Variants in SATL1 observed in about 807,000 individuals in gnomAD.
SATL1 encodes the protein spermidine/spermine N(1)-acetyltransferase-like protein 1.
SATL1 carries 47 observed loss-of-function variants against 51.8 expected under a neutral mutation model. That is an observed-to-expected ratio of 0.91 (90% CI 0.72 to 1.16). The LOEUF (loss-of-function observed/expected upper bound fraction) is 1.16. SATL1 is among the 50% of genes most tolerant of loss of function. The probability of loss-of-function intolerance (pLI) is 0.00; values close to 1 mark genes in which losing one functional copy is unlikely to be tolerated. For missense variants in SATL1, 520 were observed against 526.4 expected (o/e 0.99, Z 0.12); for synonymous variants, 176 against 182.4 (o/e 0.97, Z 0.28).
intron 2 of SATL1, among the ~76,000 whole-genome samples, chrX:85,146,057 C>G (rs970638221): frequency 1.8e-5 from 2 of 110,103 alleles, no homozygotes; most frequent in African/African-American, 6.6e-5. Context: ...CCACCACGCC[C>G]GGCAATTTTT....
intron 2 of SATL1, among the ~76,000 whole-genome samples, chrX:85,135,952 T>A (rs1266928852): frequency 9.1e-6 from 1 of 109,993 alleles, no homozygotes; most frequent in African/African-American, 3.3e-5. Context: ...TCTAGGTAAA[T>A]TATAGCAATA....
At chrX:85,096,779 AAG>A (rs1357556531) in intron 4 of SATL1, among the ~76,000 whole-genome samples, 1 of 109,477 alleles carries the variant, frequency 9.1e-6, no homozygotes, top group Non-Finnish European at 1.9e-5. Context: ...ACTGTCAACT[AAG>A]AATTTTATAT....
chrX:85,216,952 T>C lies in SATL1; in HGVS notation c.-313+7253A>G, dbSNP rs531209653. Among the ~76,000 whole-genome samples, 6 of 112,057 alleles carry C rather than the reference T, an allele frequency of 5.4e-5. No homozygotes were observed. In the South Asian group the frequency reaches 1.9e-3, roughly 35 times the overall value. ...GAAAAATGGTGACCCTTAAAGGTTA[T>C]AGAAAGCCTGGGTCAGATAATCTTT... On this transcript the variant is annotated intron_variant, in intron 2 of 7. Coordinates refer to ENST00000644105, the MANE Select transcript of SATL1 (RefSeq NM_001367857.2).
chrX:85,102,062 T>A (rs1051740242), intron 4 of SATL1, among the ~76,000 whole-genome samples: 1 of 92,630 alleles, frequency 1.1e-5, no homozygotes, highest in South Asian at 6.2e-4. Context: ...TTTATTTTTT[T>A]AATTTTTAAA....
At chrX:85,179,351 T>A (rs901058158) in intron 2 of SATL1, among the ~76,000 whole-genome samples, 10 of 111,361 alleles carry the variant, frequency 9.0e-5, no homozygotes, top group Non-Finnish European at 1.1e-4. Flanking sequence ...TTATCTAATT[T>A]AAAAAAAATA....
Position 85,208,213 on chromosome X carries a change from C to T in SATL1, c.-313+15992G>A, listed in dbSNP as rs1226575503. Among the ~76,000 whole-genome samples, 4 of 111,311 alleles carry T rather than the reference C, an allele frequency of 3.6e-5. No individual in the cohort carries two copies. In the South Asian group the frequency reaches 1.5e-3, roughly 42 times the overall value. On this transcript the variant is annotated intron_variant, in intron 2 of 7. Transcript: ENST00000644105. ...TGTTGGTTTCCAGCTGCATCTATGTCCCTGCAAAGGACATGAACTCATCCT... is the reference window on the plus strand; with the variant it reads ...TGTTGGTTTCCAGCTGCATCTATGTTCCTGCAAAGGACATGAACTCATCCT...
intron 2 of SATL1, among the ~76,000 whole-genome samples, chrX:85,169,191 C>G (rs1299313976): frequency 1.8e-5 from 2 of 111,814 alleles, no homozygotes; most frequent in African/African-American, 6.5e-5. Flanking sequence ...TAGGCAATAC[C>G]ATTTTGGACA....
intron 2 of SATL1, among the ~76,000 whole-genome samples, chrX:85,153,502 T>C (rs1926517395): frequency 8.9e-6 from 1 of 111,956 alleles, no homozygotes. Context: ...CATTGCCTAA[T>C]GATTGGGAAA....
chrX:85,180,719 G>A (rs1350466970), intron 2 of SATL1, among the ~76,000 whole-genome samples: 1 of 110,559 alleles, frequency 9.0e-6, no homozygotes, highest in Non-Finnish European at 1.9e-5. Flanking sequence ...GCAGATCCAG[G>A]GTGGAATGTG....
At chrX:85,096,112 CAACTT>C (rs1278474419) in intron 4 of SATL1, among the ~76,000 whole-genome samples, 2 of 111,161 alleles carry the variant, frequency 1.8e-5, no homozygotes, top group East Asian at 5.6e-4. Context: ...ACTTACTAAA[CAACTT>C]AAAACATCTG....
chrX:85,196,455 A>T (rs1927563121), intron 2 of SATL1, among the ~76,000 whole-genome samples: 1 of 111,584 alleles, frequency 9.0e-6, no homozygotes, highest in South Asian at 3.7e-4. Context: ...TTTGCAGTAC[A>T]CTGTGATGCT....
chrX:85,211,157 C>T (rs1473207277), intron 2 of SATL1: 1 of 111,824 alleles, frequency 8.9e-6, no homozygotes, highest in Non-Finnish European at 1.9e-5. Flanking sequence ...TAACTGTTAT[C>T]AAAGTGGCTA....
chrX:85,181,166 GAT>G (rs778767839), intron 2 of SATL1, among the ~76,000 whole-genome samples: 3 of 99,476 alleles, frequency 3.0e-5, no homozygotes, highest in East Asian at 3.1e-4. Flanking sequence ...CACACAGACA[GAT>G]ATATATATAT....
rs200131867 is a variant in SATL1 at position 85,153,597 on chromosome X, T to G, written c.-312-44317A>C. 5.4e-5 allele frequency: 6 copies of G among 111,926 alleles called. No individual in the cohort carries two copies. In the East Asian group the frequency reaches 1.7e-3, roughly 32 times the overall value. The allele number at this position is 111,926 out of a possible 1,213,427, so 9.2% of individuals were successfully genotyped here. A position where few individuals can be genotyped will look rare whatever the true frequency, so the allele number is the denominator to read the frequency against. ...TGCTCAGGTGGGAAATGGGACAACA[T>G]AAAACTCTTGAAGGTCTTAAGGAGA... On this transcript the variant is annotated intron_variant, in intron 2 of 7. Transcript: ENST00000644105.
chrX:85,207,063 G>A (rs1035289314), intron 2 of SATL1: 1 of 111,765 alleles, frequency 8.9e-6, no homozygotes, highest in African/African-American at 3.3e-5. Context: ...GAAGCTGGAG[G>A]TTTTAAGGGA....
At chrX:85,170,935 G>T (rs2213863) in intron 2 of SATL1, among the ~76,000 whole-genome samples, 12,080 of 110,869 alleles carry the variant, frequency 0.11, 567 homozygotes, top group South Asian at 0.17. Context: ...ATTAATGCAT[G>T]AATGAACAAA....
chrX:85,095,741 G>A (rs1924692634), intron 4 of SATL1, among the ~76,000 whole-genome samples: 2 of 100,497 alleles, frequency 2.0e-5, no homozygotes, highest in Admixed American at 2.2e-4. Context: ...CAGGAGAATG[G>A]CGTGAACCCG....
chrX:85,235,066 T>A (rs1175328463), intron 1 of SATL1, among the ~76,000 whole-genome samples: 1 of 109,766 alleles, frequency 9.1e-6, no homozygotes, highest in Non-Finnish European at 1.9e-5. Flanking sequence ...AGAGCAAGAG[T>A]AAGTATACTT....
intron 2 of SATL1, among the ~76,000 whole-genome samples, chrX:85,110,838 C>T (rs185538813): frequency 6.5e-4 from 73 of 112,441 alleles, no homozygotes; most frequent in African/African-American, 2.3e-3. Context: ...AAAACAAGAG[C>T]TAATATTTAG....
Sources: gnomAD v4.1 joint callset for allele counts (sites outside exome capture counted in the v4.1 genomes callset) on GRCh38, gnomAD v4.1.1 for gene constraint, MANE v1.5 for transcripts, NCBI Gene and HGNC (gene_info 2026-07-23, HGNC 2026-07-21) for gene names.